C18orf54: variants seen among roughly 807,000 people sequenced by gnomAD.
C18orf54 encodes chromosome 18 open reading frame 54, also known as lung adenoma susceptibility protein 2.
Under a neutral mutation model 49.3 loss-of-function variants are expected in C18orf54, and 49 were observed. The ratio of observed to expected loss-of-function variants is 0.99; its 90% CI spans 0.79 to 1.26. The LOEUF (loss-of-function observed/expected upper bound fraction) is 1.26. C18orf54 is among the 50% of genes most tolerant of loss of function. The pLI is 0.00. For synonymous variants in C18orf54, 211 were observed against 216.6 expected (o/e 0.97, Z 0.23); for missense variants, 687 against 620.6 (o/e 1.11, Z -1.14).
chr18:54,374,711 G>T (rs374081314), intron 8 of C18orf54, among the ~76,000 whole-genome samples: 1 of 151,770 alleles, frequency 6.6e-6, no homozygotes, highest in Non-Finnish European at 1.5e-5. Context: ...ATAAAGATAG[G>T]TCTAATTTTC....
chr18:54,358,324 G>T (rs1478741551), intron 1 of C18orf54, among the ~76,000 whole-genome samples: 1 of 152,210 alleles, frequency 6.6e-6, no homozygotes, highest in Non-Finnish European at 1.5e-5. Flanking sequence ...CGCGGCGGAG[G>T]GGGCTCACAC....
intron 8 of C18orf54, among the ~76,000 whole-genome samples, chr18:54,375,023 A>G (rs2089546749): frequency 2.0e-5 from 3 of 152,120 alleles, no homozygotes; most frequent in South Asian, 4.1e-4. Flanking sequence ...ACAAATGTGT[A>G]TATAGTTTTC....
At chr18:54,370,865 C>T (rs758736941) in intron 6 of C18orf54, among the ~76,000 whole-genome samples, 2 of 151,510 alleles carry the variant, frequency 1.3e-5, no homozygotes, top group Non-Finnish European at 2.9e-5. Context: ...TGGCTGGATG[C>T]AGATCATTTG....
In C18orf54 at chr18:54,381,567, C is replaced by T. The variant is rs1437952044; in HGVS notation, c.*3321C>T. 6.6e-6 allele frequency: 1 copy of T among 152,170 alleles called. No individual in the cohort carries two copies. Among genetic ancestry groups the T allele is most frequent in the Non-Finnish European group, 1.5e-5 (1 of 68,030 alleles). 9.4% of individuals were successfully genotyped at this position (152,170 alleles called of 1,614,324 possible). A position where few individuals can be genotyped will look rare whatever the true frequency, so the allele number is the denominator to read the frequency against. On this transcript the variant is annotated 3_prime_UTR_variant, in exon 9 of 9. Coordinates refer to ENST00000620105, the MANE Select transcript of C18orf54 (RefSeq NM_001288980.2). ...TTAGTTAAATTGCTTTACTCAGATTCCCCCAAACTTTATATGTGTATTGTC... is the reference window on the plus strand; with the variant it reads ...TTAGTTAAATTGCTTTACTCAGATTTCCCCAAACTTTATATGTGTATTGTC...
chr18:54,363,602 C>T (rs2089317817), intron 5 of C18orf54, among the ~76,000 whole-genome samples: 3 of 152,236 alleles, frequency 2.0e-5, no homozygotes, highest in Admixed American at 1.3e-4. Flanking sequence ...AGGCTTGAGC[C>T]ACCGTGCCCG....
At chr18:54,360,324 C>G (rs530167010) in intron 2 of C18orf54, among the ~76,000 whole-genome samples, 1 of 151,878 alleles carries the variant, frequency 6.6e-6, no homozygotes, top group Non-Finnish European at 1.5e-5. Context: ...AGTAGGTACT[C>G]AAAAAATGTT....
At chr18:54,360,424 T>G in intron 2 of C18orf54, 103 bp from the exon 3 acceptor site, 1 of 696,842 alleles carries the variant, frequency 1.4e-6, no homozygotes. Flanking sequence ...GATAATGGAT[T>G]TTATTATTTA....
chr18:54,376,411 C>T (rs755873367), intron 8 of C18orf54, among the ~76,000 whole-genome samples: 70 of 152,298 alleles, frequency 4.6e-4, no homozygotes, highest in Non-Finnish European at 9.3e-4. Context: ...GTTGGCCAGG[C>T]TTGTCTCAAA....
At chr18:54,376,114 G>A (rs1439192508) in intron 8 of C18orf54, among the ~76,000 whole-genome samples, 4 of 151,994 alleles carry the variant, frequency 2.6e-5, no homozygotes, top group Admixed American at 2.6e-4. Flanking sequence ...GGCTTTATTG[G>A]CCTTTCCTAA....
At chr18:54,367,123 A>G (rs1722592585) in intron 6 of C18orf54, among the ~76,000 whole-genome samples, 2 of 152,146 alleles carry the variant, frequency 1.3e-5, no homozygotes, top group African/African-American at 2.4e-5. Flanking sequence ...GTCCATCTCA[A>G]ATTTTAAGTG....
In C18orf54 at chr18:54,367,896, C is replaced by T. The variant is rs148656940; in HGVS notation, c.1326+2075C>T. Among the ~76,000 whole-genome samples, 109 of 152,164 alleles carry T rather than the reference C, an allele frequency of 7.2e-4. 1 individual carries two copies. The highest frequency in any genetic ancestry group is 3.1e-3 in the Admixed American group (48 of 15,288). On this transcript the variant is annotated intron_variant, in intron 6 of 8. Coordinates refer to ENST00000620105, the MANE Select transcript of C18orf54 (RefSeq NM_001288980.2). The stretch of plus-strand genomic sequence containing the variant: ...TAGGCTTTCTTTACTCTTTTTCCTT[C>T]TCTGACTGGGTAATTTCAAATGACT...
rs753436104 is a variant in C18orf54, at chr18:54,378,206, T to C, written c.1562T>C (p.Leu521Pro). ...ALHHLSRLRD[L>P]VDDTNGERSP... Reference sequence around the variant, plus strand: ...CACCATTTATCTCGCCTGAGAGACCTGGTTGATGATACGAATGGAGAACGG... The same window carrying C: ...CACCATTTATCTCGCCTGAGAGACCCGGTTGATGATACGAATGGAGAACGG... The change falls in exon 9 of 9, where the codon CTG becomes CCG. Residue 521 changes from leucine to proline, a missense_variant. By Grantham distance (98) the Leu-to-Pro change is moderately conservative. Transcript: ENST00000620105. 5 of 1,613,690 alleles carry C rather than the reference T, an allele frequency of 3.1e-6. No individual in the cohort carries two copies. In the Admixed American group the frequency reaches 8.3e-5, roughly 27 times the overall value.
chr18:54,372,731 G>T, intron 7 of C18orf54, 134 bp downstream of exon 7: 1 of 723,150 alleles, frequency 1.4e-6, no homozygotes, highest in East Asian at 3.0e-5. Context: ...AGTGGCAGTA[G>T]TTTTTTTTTG....
chr18:54,377,788 C>G (rs1335664547), intron 8 of C18orf54, among the ~76,000 whole-genome samples: 1 of 152,096 alleles, frequency 6.6e-6, no homozygotes, highest in South Asian at 2.1e-4. Context: ...TACTTCTTAA[C>G]TAATATACAC....
rs781056925 is a variant in C18orf54, at chr18:54,362,041, A to G, written c.682A>G (p.Ser228Gly). Residue 228 changes from serine (S) to glycine (G), a missense_variant, in exon 4 of 9, where the codon AGT (serine) becomes GGT (glycine). Coordinates refer to ENST00000620105, the MANE Select transcript of C18orf54 (RefSeq NM_001288980.2). ...TCCCAAGAAATCGTCTTTCAAGGAC[A>G]GTTCAGAACACAGTCTTGAAAAGAA... Reference protein sequence around the residue: ...SFPKKSSFKDSSEHSLEKNYP... With the variant: ...SFPKKSSFKDGSEHSLEKNYP... The G allele has an allele frequency of 3.2e-6, 5 of 1,575,208 alleles. No homozygotes were observed. The highest frequency in any genetic ancestry group is 4.3e-6 in the Non-Finnish European group (5 of 1,160,774).
intron 8 of C18orf54, among the ~76,000 whole-genome samples, chr18:54,377,671 C>T (rs914644525): frequency 6.6e-6 from 1 of 151,988 alleles, no homozygotes; most frequent in Non-Finnish European, 1.5e-5. Flanking sequence ...GGCAGCTTCC[C>T]CTATGATCAA....
intron 6 of C18orf54, among the ~76,000 whole-genome samples, chr18:54,371,626 C>T (rs1599344446): frequency 6.6e-6 from 1 of 152,110 alleles, no homozygotes; most frequent in African/African-American, 2.4e-5. Flanking sequence ...ATATCCTGTT[C>T]TATAACTGTG....
In C18orf54 at chr18:54,372,460, C is replaced by G. The variant is rs919229911; in HGVS notation, c.1327-6C>G. On this transcript the variant is annotated splice_polypyrimidine_tract_variant and splice_region_variant and intron_variant, in intron 6 of 8. Transcript: ENST00000620105. ...AACTTTATACTATCATCTGTTTTAACCTTAGAGCTGTACTCTCTCTGGAGG... is the reference window on the plus strand; with the variant it reads ...AACTTTATACTATCATCTGTTTTAAGCTTAGAGCTGTACTCTCTCTGGAGG... The G allele has an allele frequency of 6.3e-7, 1 of 1,588,514 alleles. No homozygotes were observed. Among genetic ancestry groups the G allele is most frequent in the East Asian group, 2.2e-5 (1 of 44,488 alleles).
Position 54,380,871 on chromosome 18 carries a change from C to G in C18orf54, c.*2625C>G, listed in dbSNP as rs568581846. 6.6e-6 allele frequency: 1 copy of G among 152,090 alleles called. No individual in the cohort carries two copies. Among genetic ancestry groups the G allele is most frequent in the Admixed American group, 6.6e-5 (1 of 15,264 alleles). The allele number at this position is 152,090 out of a possible 1,614,324, so 9.4% of individuals were successfully genotyped here. ...ATTTTTTTCTGTCCCACCCTTCACT[C>G]TCTCTGTTTCAGAACATTTTTGGTA... On this transcript the variant is annotated 3_prime_UTR_variant, in exon 9 of 9. Transcript: ENST00000620105.
Sources: allele counts gnomAD v4.1 joint callset (sites outside exome capture counted in the v4.1 genomes callset), GRCh38; gene constraint gnomAD v4.1.1; transcripts MANE v1.5; gene names NCBI Gene and HGNC (gene_info 2026-07-23, HGNC 2026-07-21).